The following RBFOX1 variants were observed in gnomAD, a reference collection of about 807,000 sequenced individuals.
RBFOX1 encodes the protein RNA binding fox-1 homolog 1.
A neutral mutation model predicts 57.7 loss-of-function variants in RBFOX1; 8 were observed. The ratio of observed to expected loss-of-function variants is 0.14; its 90% CI spans 0.08 to 0.25. The LOEUF (loss-of-function observed/expected upper bound fraction) is 0.25. RBFOX1 is among the 10% of genes least tolerant of loss of function. RBFOX1 has a pLI of 1.00. For missense variants in RBFOX1, 611 were observed against 548.5 expected (o/e 1.11, Z -1.14); for synonymous variants, 326 against 222.4 (o/e 1.47, Z -4.15).
intron 2 of RBFOX1, among the ~76,000 whole-genome samples, chr16:6,630,191 T>C (rs1397246890): frequency 6.6e-6 from 1 of 152,124 alleles, no homozygotes; most frequent in African/African-American, 2.4e-5. Flanking sequence ...GAATGTATTA[T>C]TCAGTTTTGA....
At chr16:5,280,417 C>G (rs1326703214) in intron 1 of RBFOX1, among the ~76,000 whole-genome samples, 2 of 152,102 alleles carry the variant, frequency 1.3e-5, no homozygotes, top group African/African-American at 2.4e-5. Flanking sequence ...GTGTCCTTGT[C>G]TTGATTGGAT....
chr16:7,470,242 G>C (rs1184995401), intron 4 of RBFOX1, among the ~76,000 whole-genome samples: 1 of 152,180 alleles, frequency 6.6e-6, no homozygotes, highest in African/African-American at 2.4e-5. Context: ...GCTGATTTCT[G>C]TGTCTGCCTC....
At chr16:7,421,676 C>T (rs1178568962) in intron 4 of RBFOX1, among the ~76,000 whole-genome samples, 4 of 152,244 alleles carry the variant, frequency 2.6e-5, no homozygotes, top group Admixed American at 6.5e-5. Context: ...GTCCCATTTC[C>T]ACTGGCCTGG....
intron 3 of RBFOX1, among the ~76,000 whole-genome samples, chr16:6,886,507 C>T (rs1413574672): frequency 2.6e-5 from 4 of 152,046 alleles, no homozygotes; most frequent in African/African-American, 9.7e-5. Flanking sequence ...AATCCCAGCA[C>T]TTTGAGAGGC....
intron 3 of RBFOX1, among the ~76,000 whole-genome samples, chr16:5,788,864 A>G (rs1160843970): frequency 6.6e-6 from 1 of 152,132 alleles, no homozygotes; most frequent in Non-Finnish European, 1.5e-5. Context: ...CCCAAAAGCA[A>G]TTCAGACCTG....
chr16:6,662,663 G>GA (rs1019486465), intron 3 of RBFOX1, among the ~76,000 whole-genome samples: 1 of 151,248 alleles, frequency 6.6e-6, no homozygotes, highest in Non-Finnish European at 1.5e-5. Flanking sequence ...AAAAAAAAAA[G>GA]AAAAAAAACC....
At chr16:7,344,062 CCCTTGAG>C (rs2096947616) in intron 4 of RBFOX1, among the ~76,000 whole-genome samples, 2 of 151,084 alleles carry the variant, frequency 1.3e-5, no homozygotes, top group Non-Finnish European at 2.9e-5. Flanking sequence ...AGAGTATGAG[CCCTTGAG>C]CCAGACTGCC....
At chr16:5,519,289 T>C (rs956258411) in intron 2 of RBFOX1, among the ~76,000 whole-genome samples, 11 of 152,212 alleles carry the variant, frequency 7.2e-5, no homozygotes, top group Non-Finnish European at 1.6e-4. Context: ...CATGCTAGCA[T>C]GGTTGTTTTT....
chr16:5,273,433 C>G (rs1009896908), intron 1 of RBFOX1, among the ~76,000 whole-genome samples: 3 of 152,158 alleles, frequency 2.0e-5, no homozygotes, highest in Admixed American at 6.5e-5. Context: ...AGTTCCCACT[C>G]TCAGCCCACC....
At chr16:6,307,742 T>C (rs965006692) in intron 1 of RBFOX1, among the ~76,000 whole-genome samples, 3 of 147,258 alleles carry the variant, frequency 2.0e-5, no homozygotes, top group Non-Finnish European at 3.0e-5. Flanking sequence ...ATTATTTCCA[T>C]ATTTTATACA....
At chr16:5,808,323 C>G (rs377351315) in intron 3 of RBFOX1, among the ~76,000 whole-genome samples, 1 of 152,256 alleles carries the variant, frequency 6.6e-6, no homozygotes, top group East Asian at 1.9e-4. Flanking sequence ...TTACTGTACC[C>G]TTGTAGTATA....
intron 2 of RBFOX1, among the ~76,000 whole-genome samples, chr16:5,523,160 C>T (rs1464879364): frequency 6.6e-6 from 1 of 152,074 alleles, no homozygotes; most frequent in Non-Finnish European, 1.5e-5. Flanking sequence ...GTGGTGCATG[C>T]CTGTAATTCC....
At chr16:5,646,754 C>T (rs1318122998) in intron 3 of RBFOX1, among the ~76,000 whole-genome samples, 1 of 152,114 alleles carries the variant, frequency 6.6e-6, no homozygotes, top group Non-Finnish European at 1.5e-5. Flanking sequence ...CCTGCCTTAG[C>T]CTCCCAAGTA....
chr16:5,791,170 T>C (rs1408146629), intron 3 of RBFOX1, among the ~76,000 whole-genome samples: 1 of 152,096 alleles, frequency 6.6e-6, no homozygotes, highest in African/African-American at 2.4e-5. Context: ...GCCTGGCTTT[T>C]TTATTTTAAT....
intron 3 of RBFOX1, among the ~76,000 whole-genome samples, chr16:5,858,287 C>A (rs2151881492): frequency 6.6e-6 from 1 of 152,124 alleles, no homozygotes; most frequent in African/African-American, 2.4e-5. Context: ...AACCCAGGCT[C>A]CTCCCTTCTT....
At position 6,895,448 on chromosome 16, in the gene RBFOX1, GTATATATA is replaced by G. The variant is rs71147622; in HGVS notation, c.-15-156577_-15-156570del. Among the ~76,000 whole-genome samples the G allele has an allele frequency of 8.7e-3, 472 of 54,554 alleles. 10 individuals are homozygous for G. Among genetic ancestry groups the G allele is most frequent in the South Asian group, 0.046 (70 of 1,538 alleles). The allele number at this position is 54,554 out of a possible 152,430, so 35.8% of individuals were successfully genotyped here. On this transcript the variant is annotated intron_variant, in intron 3 of 15. Coordinates refer to ENST00000550418, the MANE Select transcript of RBFOX1 (RefSeq NM_018723.4). The stretch of plus-strand genomic sequence containing the variant: ...TGTGTGTGTGTGTGTGTGTGTGTGT[GTATATATA>G]TATATATATATATATATATATATAT...
At chr16:5,351,357 C>G (rs1366738755) in intron 1 of RBFOX1, among the ~76,000 whole-genome samples, 1 of 152,170 alleles carries the variant, frequency 6.6e-6, no homozygotes, top group Non-Finnish European at 1.5e-5. Flanking sequence ...ACTGTACCCC[C>G]TTTAGAGTTA....
intron 4 of RBFOX1, among the ~76,000 whole-genome samples, chr16:7,367,644 A>G (rs2097481563): frequency 6.6e-6 from 1 of 152,190 alleles, no homozygotes; most frequent in Non-Finnish European, 1.5e-5. Flanking sequence ...TGCATCAGTC[A>G]GTTCAATGGG....
rs80307122 is a variant in RBFOX1, at chr16:6,222,481, A to G, written c.-126-94514A>G. Among the ~76,000 whole-genome samples, 1,178 of 151,792 alleles carry G rather than the reference A, an allele frequency of 7.8e-3. 15 individuals carry two copies. Among genetic ancestry groups the G allele is most frequent in the African/African-American group, 0.027 (1,121 of 41,372 alleles). ...GAGCTGTGACAATTGCATCATGACC[A>G]TGAGGAGAATGTCAGGAGGATTGCA... On this transcript the variant is annotated intron_variant, in intron 1 of 15. Transcript: ENST00000550418.
Sources: allele counts gnomAD v4.1 joint callset (sites outside exome capture counted in the v4.1 genomes callset), GRCh38; gene constraint gnomAD v4.1.1; transcripts MANE v1.5; gene names NCBI Gene and HGNC (gene_info 2026-07-23, HGNC 2026-07-21).